The following TLR5 variants were observed in gnomAD, a reference collection of about 807,000 sequenced individuals.
TLR5 encodes the protein toll-like receptor 5.
For synonymous variants in TLR5, 373 were observed against 384.4 expected (o/e 0.97, Z 0.35); for missense variants, 944 against 999.8 (o/e 0.94, Z 0.75).
chr1:223,115,305 A>T (rs1656571674), intron 5 of TLR5, among the ~76,000 whole-genome samples: 1 of 152,224 alleles, frequency 6.6e-6, no homozygotes. Flanking sequence ...GCTGGAGTGC[A>T]GCGGTGCTAT....
intron 5 of TLR5, among the ~76,000 whole-genome samples, chr1:223,118,518 G>C (rs1439246045): frequency 4.0e-5 from 6 of 151,050 alleles, no homozygotes; most frequent in African/African-American, 1.5e-4. Flanking sequence ...TTGTACTCCA[G>C]CCTGGGTGAC....
At chr1:223,140,147 C>T (rs1185353005) in intron 2 of TLR5, among the ~76,000 whole-genome samples, 2 of 152,178 alleles carry the variant, frequency 1.3e-5, no homozygotes, top group African/African-American at 2.4e-5. Flanking sequence ...GAAGTCTTCA[C>T]TGGAGAAGGT....
Position 223,113,021 on chromosome 1 carries a change from T to C in TLR5, c.11A>G (p.His4Arg), listed in dbSNP as rs1210935912. MGD[H>R]LDLLLGVVLM... ...CACCACTCCTAGGAGAAGGTCCAGGTGGTCTCCCATGATCCTATGGAGAAG... is the reference window on the plus strand; with the variant it reads ...CACCACTCCTAGGAGAAGGTCCAGGCGGTCTCCCATGATCCTATGGAGAAG... The change falls in exon 6 of 6, where the codon CAC becomes CGC. Residue 4 changes from histidine to arginine, a missense_variant. By Grantham distance (29) the His-to-Arg change is conservative (BLOSUM62 0). Coordinates refer to ENST00000642603, the MANE Select transcript of TLR5 (RefSeq NM_003268.6). The C allele has an allele frequency of 6.2e-7, 1 of 1,614,088 alleles. No individual in the cohort carries two copies. Among genetic ancestry groups the C allele is most frequent in the Non-Finnish European group, 8.5e-7 (1 of 1,180,014 alleles).
chr1:223,131,544 C>T lies in TLR5; in HGVS notation c.-5+931G>A, dbSNP rs888960164. Among the ~76,000 whole-genome samples the T allele has an allele frequency of 6.6e-6, 1 of 152,198 alleles. No homozygotes were observed. The highest frequency in any genetic ancestry group is 2.4e-5 in the African/African-American group (1 of 41,442). ...GAGAATTCTACATGCACTTCTCACACTTCTATGTGCACTAGTTTGTTTTTG... is the reference window on the plus strand; with the variant it reads ...GAGAATTCTACATGCACTTCTCACATTTCTATGTGCACTAGTTTGTTTTTG... On this transcript the variant is annotated intron_variant, in intron 5 of 5. Transcript: ENST00000642603. This position sits in a 1 kb window ranked among gnomAD's most constrained non-coding sequence, Gnocchi z 4.2.
rs759616014 is a variant in TLR5 at position 223,111,199 on chromosome 1, C to T, written c.1833G>A (p.Val611=). The T allele has an allele frequency of 1.6e-5, 26 of 1,614,064 alleles. No homozygotes were observed. Among genetic ancestry groups the T allele is most frequent in the Admixed American group, 5.0e-5 (3 of 59,996 alleles). Reference sequence around the variant, plus strand: ...AAACCCCAGAGAACGAGTCAGGGTACACACAATATATGTCTGCAGGAGGCC... The same window carrying T: ...AAACCCCAGAGAACGAGTCAGGGTATACACAATATATGTCTGCAGGAGGCC... ...IAGPPADIYC[V]YPDSFSGVSL... is the part of the protein sequence containing the mutation. Residue 611 remains valine, a synonymous_variant, in exon 6 of 6, where the codon GTG becomes GTA. Transcript: ENST00000642603.
Position 223,111,495 on chromosome 1 carries a change from A to T in TLR5, c.1537T>A (p.Tyr513Asn). 1.2e-6 allele frequency: 2 copies of T among 1,614,182 alleles called. No individual in the cohort carries two copies. Among genetic ancestry groups the T allele is most frequent in the Non-Finnish European group, 1.7e-6 (2 of 1,180,030 alleles). ...ACTCCTGGTGGAAGGGAATTAAGAT[A>T]GTTATGATTCAAATACAGAACTTGA... ...HLQVLYLNHN[Y>N]LNSLPPGVFS... The change falls in exon 6 of 6, where the codon TAT (tyrosine) becomes AAT (asparagine). Residue 513 changes from tyrosine to asparagine, a missense_variant. Tyr to Asn is a moderately radical substitution (Grantham distance 143, BLOSUM62 -2). Coordinates refer to ENST00000642603, the MANE Select transcript of TLR5 (RefSeq NM_003268.6).
rs572130714 is a variant in TLR5 at position 223,110,343 on chromosome 1, T to C, written c.*112A>G. 5.6e-6 allele frequency: 6 copies of C among 1,067,538 alleles called. No individual in the cohort carries two copies. Among genetic ancestry groups the C allele is most frequent in the South Asian group, 5.6e-5 (4 of 71,812 alleles). The allele number at this position is 1,067,538 out of a possible 1,614,324, so 66.1% of individuals were successfully genotyped here. A position where few individuals can be genotyped will look rare whatever the true frequency, so the allele number is the denominator to read the frequency against. ...TGAGAGATTTATGTTGTTTTCATAG[T>C]AGCAAAAAGAAAAAAAAAACCTCCA... On this transcript the variant is annotated 3_prime_UTR_variant, in exon 6 of 6. Transcript: ENST00000642603.
chr1:223,139,656 T>G (rs1657757194), intron 2 of TLR5, among the ~76,000 whole-genome samples: 1 of 151,964 alleles, frequency 6.6e-6, no homozygotes, highest in Admixed American at 6.6e-5. Context: ...GGGCTCAAGG[T>G]GGGAGCTGGT....
At position 223,116,654 on chromosome 1, in the gene TLR5, G is replaced by A. The variant is rs1005514440; in HGVS notation, c.-4-3619C>T. Among the ~76,000 whole-genome samples, 6 of 152,082 alleles carry A rather than the reference G, an allele frequency of 3.9e-5. 1 individual carries two copies. The highest frequency in any genetic ancestry group is 4.1e-4 in the South Asian group (2 of 4,820). On this transcript the variant is annotated intron_variant, in intron 5 of 5. Transcript: ENST00000642603. ...TTTTATTTCCTTATCTGGCCCCACC[G>A]ACATCCTGCTTATTGGTCCATTTTA... is the stretch of plus-strand genomic sequence containing the variant.
chr1:223,121,305 G>A (rs1656943947), intron 5 of TLR5, among the ~76,000 whole-genome samples: 1 of 152,124 alleles, frequency 6.6e-6, no homozygotes, highest in Non-Finnish European at 1.5e-5. Context: ...ATAAAATTAT[G>A]TATGTAGGTG....
At chr1:223,138,063 A>T (rs1476721385) in intron 2 of TLR5, among the ~76,000 whole-genome samples, 1 of 135,778 alleles carries the variant, frequency 7.4e-6, no homozygotes, top group Non-Finnish European at 1.5e-5. Flanking sequence ...GGTTCAAGTG[A>T]TCATCCCACC....
chr1:223,116,509 T>C (rs949791770), intron 5 of TLR5, among the ~76,000 whole-genome samples: 2 of 152,142 alleles, frequency 1.3e-5, no homozygotes, highest in Admixed American at 1.3e-4. Flanking sequence ...AGCTCATAAA[T>C]GTAGTGCAGA....
Position 223,112,105 on chromosome 1 carries a change from C to G in TLR5, c.927G>C (p.Glu309Asp), listed in dbSNP as rs1275912406. 1.2e-6 allele frequency: 2 copies of G among 1,614,186 alleles called. No homozygotes were observed. Among genetic ancestry groups the G allele is most frequent in the Non-Finnish European group, 1.7e-6 (2 of 1,180,032 alleles). ...TCAGAACCTTCAAATCCTTGAGTGT[C>G]TCAAAGACTCGTGAGTTCAGGGAGA... Reference protein sequence around the residue: ...FVFSLNSRVFETLKDLKVLNL... With the variant: ...FVFSLNSRVFDTLKDLKVLNL... The change falls in exon 6 of 6, where the codon GAG (glutamate) becomes GAC (aspartate). Residue 309 changes from glutamate to aspartate, a missense_variant. Coordinates refer to ENST00000642603, the MANE Select transcript of TLR5 (RefSeq NM_003268.6).
At chr1:223,141,816 TATATATAGAGAGAGAGAGAGAGAGAG>T (rs1174768652) in intron 1 of TLR5, 53 bp from the exon 2 acceptor site, 3 of 43,530 alleles carry the variant, frequency 6.9e-5, no homozygotes, top group Non-Finnish European at 1.3e-4. Context: ...TATATATATA[TATATATAGAGAGAGAGAGAGAGAGAG>T]AGAGAGAGAG....
At position 223,132,651 on chromosome 1, in the gene TLR5, T is replaced by C. The variant is rs1236154335; in HGVS notation, c.-169-12A>G. The C allele has an allele frequency of 6.6e-6, 1 of 152,278 alleles. No homozygotes were observed. Among genetic ancestry groups the C allele is most frequent in the Non-Finnish European group, 1.5e-5 (1 of 68,020 alleles). 9.4% of individuals were successfully genotyped at this position (152,278 alleles called of 1,614,324 possible). A position where few individuals can be genotyped will look rare whatever the true frequency, so the allele number is the denominator to read the frequency against. On this transcript the variant is annotated splice_polypyrimidine_tract_variant and intron_variant, in intron 4 of 5. Transcript: ENST00000642603. Reference sequence around the variant, plus strand: ...GACTTTTTGTTTTCCTAAGGGAAAATAGGAAAGCTAATTAAGAAGAAGAAA... The same window carrying C: ...GACTTTTTGTTTTCCTAAGGGAAAACAGGAAAGCTAATTAAGAAGAAGAAA...
rs1657408085 is a variant in TLR5, at chr1:223,131,885, T to G, written c.-5+590A>C. Among the ~76,000 whole-genome samples the G allele has an allele frequency of 6.6e-6, 1 of 151,064 alleles. No homozygotes were observed. The highest frequency in any genetic ancestry group is 6.6e-5 in the Admixed American group (1 of 15,146). Reference sequence around the variant, plus strand: ...CATGAGCCACCATGCCTGGCCTATATGCACTCTTTATCTCCGTCCCCTGGT... The same window carrying G: ...CATGAGCCACCATGCCTGGCCTATAGGCACTCTTTATCTCCGTCCCCTGGT... On this transcript the variant is annotated intron_variant, in intron 5 of 5. Transcript: ENST00000642603. The surrounding 1 kb of genome is among the most constrained non-coding windows in gnomAD (Gnocchi z 4.2).
rs1170112308 is a variant in TLR5 at position 223,134,755 on chromosome 1, G to C, written c.-243C>G. 2 of 145,862 alleles carry C rather than the reference G, an allele frequency of 1.4e-5. No individual in the cohort carries two copies. The highest frequency in any genetic ancestry group is 3.0e-5 in the Non-Finnish European group (2 of 67,096). 9.0% of individuals were successfully genotyped at this position (145,862 alleles called of 1,614,324 possible). ...ATCTGAGGCTCCGACATCTTCCCTG[G>C]ATGCTAAATCCTGTGTATTGATGGG... On this transcript the variant is annotated 5_prime_UTR_variant, in exon 4 of 6. The change creates a new upstream start codon in the 5' untranslated region. Coordinates refer to ENST00000642603, the MANE Select transcript of TLR5 (RefSeq NM_003268.6).
intron 5 of TLR5, among the ~76,000 whole-genome samples, chr1:223,114,209 T>C (rs372543321): frequency 6.6e-6 from 1 of 152,200 alleles, no homozygotes. Context: ...TGAGTGTTTT[T>C]TTCATGGGTG....
rs1293648471 is a variant in TLR5 at position 223,109,823 on chromosome 1, G to A, written c.*632C>T. ...AGGCTTAAATAAAGGCAGCATGTGA[G>A]AGAAAGTTCTTGGCTCACTAGGGCG... On this transcript the variant is annotated 3_prime_UTR_variant, in exon 6 of 6. Transcript: ENST00000642603. 2 of 153,844 alleles carry A rather than the reference G, an allele frequency of 1.3e-5. No homozygotes were observed. Among genetic ancestry groups the A allele is most frequent in the East Asian group, 3.7e-4 (2 of 5,356 alleles). The allele number at this position is 153,844 out of a possible 1,614,324, so 9.5% of individuals were successfully genotyped here.
Sources: allele counts gnomAD v4.1 joint callset (sites outside exome capture counted in the v4.1 genomes callset), GRCh38; gene constraint gnomAD v4.1.1; non-coding constraint Gnocchi (gnomAD v3.1); transcripts MANE v1.5; gene names NCBI Gene and HGNC (gene_info 2026-07-23, HGNC 2026-07-21).